PPP6R3: variants seen among roughly 807,000 people sequenced by gnomAD.
PPP6R3 encodes protein phosphatase 6 regulatory subunit 3, also known as serine/threonine-protein phosphatase 6 regulatory subunit 3.
A neutral mutation model predicts 110.7 loss-of-function variants in PPP6R3; 38 were observed. The ratio of observed to expected loss-of-function variants is 0.34; its 90% CI spans 0.26 to 0.45. The LOEUF (loss-of-function observed/expected upper bound fraction) is 0.45. Among genes scored for constraint, PPP6R3 ranks in the 20% least tolerant of loss-of-function variants. The probability of loss-of-function intolerance (pLI) is 1.00; values close to 1 mark genes in which losing one functional copy is unlikely to be tolerated. For missense variants in PPP6R3, 870 were observed against 1,062.4 expected, an observed-to-expected ratio of 0.82 and a Z score of 2.52; for synonymous variants, 369 against 373.5, an observed-to-expected ratio of 0.99 and a Z score of 0.14.
At chr11:68,588,952 A>G (rs1207384605) in intron 16 of PPP6R3, among the ~76,000 whole-genome samples, 1 of 151,972 alleles carries the variant, frequency 6.6e-6, no homozygotes, top group Non-Finnish European at 1.5e-5. Context: ...CACACCTATA[A>G]TCCCAGCACT....
At chr11:68,605,119 T>G (rs967116198) in intron 22 of PPP6R3, among the ~76,000 whole-genome samples, 2 of 152,138 alleles carry the variant, frequency 1.3e-5, no homozygotes, top group African/African-American at 4.8e-5. Flanking sequence ...GCAGACAGAT[T>G]GCTTGAGCCC....
intron 3 of PPP6R3, among the ~76,000 whole-genome samples, chr11:68,543,322 A>AT (rs1350566758): frequency 1.3e-5 from 2 of 151,750 alleles, no homozygotes; most frequent in African/African-American, 2.4e-5. Context: ...AGGGGTTTAT[A>AT]TTCTGGCATC....
At chr11:68,606,625 A>G (rs1011072940) in intron 22 of PPP6R3, among the ~76,000 whole-genome samples, 16 of 152,042 alleles carry the variant, frequency 1.1e-4, no homozygotes, top group Non-Finnish European at 2.1e-4. Context: ...AATGAATTTC[A>G]TTAACTTGGT....
chr11:68,493,163 T>C (rs1283416961), intron 1 of PPP6R3, among the ~76,000 whole-genome samples: 1 of 152,198 alleles, frequency 6.6e-6, no homozygotes, highest in Non-Finnish European at 1.5e-5. Context: ...ATGTAGGGTC[T>C]AAGTGCTAAT....
chr11:68,486,562 G>A (rs1044654138), intron 1 of PPP6R3, among the ~76,000 whole-genome samples: 3 of 138,424 alleles, frequency 2.2e-5, no homozygotes, highest in African/African-American at 5.6e-5. Flanking sequence ...CTGAGATCAC[G>A]CCCTGCACTC....
intron 1 of PPP6R3, chr11:68,505,353 A>G (rs1054880815): frequency 6.6e-6 from 1 of 152,312 alleles, no homozygotes; most frequent in African/African-American, 2.4e-5. Context: ...AGAATCGTGG[A>G]CACAATCGAG....
At chr11:68,461,097 G>C (rs932577622) in intron 1 of PPP6R3, among the ~76,000 whole-genome samples, 1 of 151,214 alleles carries the variant, frequency 6.6e-6, no homozygotes, top group African/African-American at 2.4e-5. Context: ...GCGACTTTGT[G>C]CCTCGTTGAC....
intron 1 of PPP6R3, among the ~76,000 whole-genome samples, chr11:68,479,176 T>A (rs748809629): frequency 2.0e-5 from 3 of 152,214 alleles, no homozygotes; most frequent in Non-Finnish European, 4.4e-5. Flanking sequence ...GGATATGGCG[T>A]ACCATTAATA....
In PPP6R3 at chr11:68,613,808, A is replaced by G; in HGVS notation, c.*691A>G. The G allele has an allele frequency of 2.0e-6, 2 of 984,998 alleles. No homozygotes were observed. Among genetic ancestry groups the G allele is most frequent in the Non-Finnish European group, 2.4e-6 (2 of 829,552 alleles). 61.0% of individuals were successfully genotyped at this position (984,998 alleles called of 1,614,324 possible). A position where few individuals can be genotyped will look rare whatever the true frequency, so the allele number is the denominator to read the frequency against. ...TAAATTGATGTTATCGTAAAGCCAT[A>G]TGTTCTGTTCAAGTCTTGTTTGCTT... On this transcript the variant is annotated 3_prime_UTR_variant, in exon 24 of 24. Coordinates refer to ENST00000393800, the MANE Select transcript of PPP6R3 (RefSeq NM_001164161.2).
Position 68,508,479 on chromosome 11 carries a change from G to GT in PPP6R3, c.-157-11021dup, listed in dbSNP as rs1278192018. 1.2e-4 allele frequency among the ~76,000 whole-genome samples: 19 copies of GT among 152,138 alleles called. No homozygotes were observed. The South Asian group carries it at 3.3e-3, about 27-fold the overall frequency. The stretch of plus-strand genomic sequence containing the variant: ...AGTGTCCATATAAGAGTGATTTGGG[G>GT]TAAATCCTTTATTTTCCTAGACTAT... On this transcript the variant is annotated intron_variant, in intron 1 of 23. Coordinates refer to ENST00000393800, the MANE Select transcript of PPP6R3 (RefSeq NM_001164161.2).
intron 18 of PPP6R3, among the ~76,000 whole-genome samples, chr11:68,593,646 CA>C (rs1432588847): frequency 2.0e-5 from 3 of 152,174 alleles, no homozygotes; most frequent in Non-Finnish European, 4.4e-5. Flanking sequence ...CCTGGACAAA[CA>C]AAACTACTGA....
In PPP6R3 at chr11:68,548,068, T is replaced by A; in HGVS notation, c.416T>A (p.Ile139Asn). Residue 139 changes from isoleucine (I) to asparagine (N), a missense_variant and splice_region_variant, in exon 5 of 24, where the codon ATT (isoleucine) becomes AAT (asparagine). Coordinates refer to ENST00000393800, the MANE Select transcript of PPP6R3 (RefSeq NM_001164161.2). ...AGTTTCTGATCTGTTCTTCTCTAGA[T>A]TGTGGATTTCTTAAAGAAGAAGCAT... ...SILISRKPEQ[I>N]VDFLKKKHDF... is the part of the protein sequence containing the mutation. The A allele has an allele frequency of 6.2e-7, 1 of 1,613,016 alleles. No homozygotes were observed. The highest frequency in any genetic ancestry group is 1.1e-5 in the South Asian group (1 of 90,994).
rs1033430356 is a variant in PPP6R3, at chr11:68,615,210, CATTTT to C, written c.*2094_*2098del. 22 of 393,404 alleles carry C rather than the reference CATTTT, an allele frequency of 5.6e-5. No homozygotes were observed. The highest frequency in any genetic ancestry group is 4.6e-4 in the African/African-American group (22 of 47,870). 24.4% of individuals were successfully genotyped at this position (393,404 alleles called of 1,614,324 possible). A position where few individuals can be genotyped will look rare whatever the true frequency, so the allele number is the denominator to read the frequency against. On this transcript the variant is annotated 3_prime_UTR_variant, in exon 24 of 24. Coordinates refer to ENST00000393800, the MANE Select transcript of PPP6R3 (RefSeq NM_001164161.2). The stretch of plus-strand genomic sequence containing the variant: ...CCAAGGACAGGAGCAAGTGTGCCCT[CATTTT>C]GTTTCTACTTTTAATTTCTGTGTGT...
intron 1 of PPP6R3, among the ~76,000 whole-genome samples, chr11:68,464,673 TAATTGATTTTATA>T (rs1260099432): frequency 2.6e-5 from 4 of 152,198 alleles, no homozygotes; most frequent in African/African-American, 9.7e-5. Flanking sequence ...AAGCATTTGT[TAATTGATTTTATA>T]AAATATCTTA....
At chr11:68,568,568 C>G (rs1357202603) in intron 10 of PPP6R3, among the ~76,000 whole-genome samples, 1 of 152,074 alleles carries the variant, frequency 6.6e-6, no homozygotes, top group African/African-American at 2.4e-5. Context: ...CCTTGTACTT[C>G]CAGGAGATTC....
At chr11:68,491,064 T>A (rs1591940730) in intron 1 of PPP6R3, among the ~76,000 whole-genome samples, 2 of 152,158 alleles carry the variant, frequency 1.3e-5, no homozygotes, top group African/African-American at 4.8e-5. Context: ...CACACACCTG[T>A]AGTCCCAGCT....
At chr11:68,591,805 C>T in intron 18 of PPP6R3, 99 bp downstream of exon 18, 1 of 1,365,850 alleles carries the variant, frequency 7.3e-7, no homozygotes, top group Non-Finnish European at 9.6e-7. Context: ...TACATGTTAA[C>T]CCAGAAACCA....
intron 1 of PPP6R3, among the ~76,000 whole-genome samples, chr11:68,507,433 A>T (rs1191315325): frequency 3.3e-5 from 5 of 152,126 alleles, no homozygotes; most frequent in Non-Finnish European, 7.3e-5. Flanking sequence ...ATCAACAGTC[A>T]TGGAAGTTGG....
rs1480026249 is a variant in PPP6R3, at chr11:68,614,376, T to TTAA, written c.*1260_*1262dup. ...ATTGCCATATCGTCTGGTGAAAGGG[T>TTAA]TAAATTACTTCACCTCTTGCACTTT... On this transcript the variant is annotated 3_prime_UTR_variant, in exon 24 of 24. Coordinates refer to ENST00000393800, the MANE Select transcript of PPP6R3 (RefSeq NM_001164161.2). The TTAA allele has an allele frequency of 1.3e-5, 16 of 1,240,340 alleles. No homozygotes were observed. In the Admixed American group the frequency reaches 4.3e-4, roughly 33 times the overall value. 76.8% of individuals were successfully genotyped at this position (1,240,340 alleles called of 1,614,324 possible).
Sources: gnomAD v4.1 joint callset for allele counts (sites outside exome capture counted in the v4.1 genomes callset) on GRCh38, gnomAD v4.1.1 for gene constraint, MANE v1.5 for transcripts, NCBI Gene and HGNC (gene_info 2026-07-23, HGNC 2026-07-21) for gene names.